NXF3: variants seen among roughly 807,000 people sequenced by gnomAD.
NXF3 encodes the protein nuclear RNA export factor 3.
Under a neutral mutation model 48.4 loss-of-function variants are expected in NXF3, and 34 were observed. The observed-to-expected ratio is 0.70, with a 90% CI of 0.53 to 0.93. NXF3 has a LOEUF of 0.93. NXF3 is among the 40% of genes least tolerant of loss of function. The probability of loss-of-function intolerance (pLI) is 0.00; values close to 1 mark genes in which losing one functional copy is unlikely to be tolerated. For missense variants in NXF3, 359 were observed against 406.1 expected, an observed-to-expected ratio of 0.88 and a Z score of 1.00; for synonymous variants, 132 against 145.7, an observed-to-expected ratio of 0.91 and a Z score of 0.68.
chrX:103,089,843 T>C (rs1382811025), intron 1 of NXF3, among the ~76,000 whole-genome samples: 9 of 111,993 alleles, frequency 8.0e-5, no homozygotes, highest in South Asian at 3.7e-4. Flanking sequence ...TCATTGGTCT[T>C]TTCAAAGCTA....
At chrX:103,080,302 A>C (rs911908969) in intron 10 of NXF3, 86 bp from the exon 11 acceptor site, 12 of 954,930 alleles carry the variant, frequency 1.3e-5, no homozygotes, top group African/African-American at 3.9e-5. Context: ...GGAGAGGGTG[A>C]GATCAGAAAT....
At chrX:103,076,138 G>T in intron 19 of NXF3, 103 bp downstream of exon 19, 1 of 572,899 alleles carries the variant, frequency 1.7e-6, no homozygotes, top group Non-Finnish European at 3.0e-6. Context: ...TTGGCCGAGA[G>T]GAAGTGCAGG....
chrX:103,078,754 T>C lies in NXF3; in HGVS notation c.1379-122A>G. 3 of 1,060,148 alleles carry C rather than the reference T, an allele frequency of 2.8e-6. No individual in the cohort carries two copies. The South Asian group carries it at 6.0e-5, about 21-fold the overall frequency. The allele number at this position is 1,060,148 out of a possible 1,213,427, so 87.4% of individuals were successfully genotyped here. A position where few individuals can be genotyped will look rare whatever the true frequency, so the allele number is the denominator to read the frequency against. ...AAGGGGGCCAGACCAGGACAGTTGT[T>C]CACTTGGAGTGAGGCGGATGTGGTA... On this transcript the variant is annotated intron_variant, in intron 16 of 19. Coordinates refer to ENST00000395065, the MANE Select transcript of NXF3 (RefSeq NM_022052.2).
intron 1 of NXF3, among the ~76,000 whole-genome samples, chrX:103,089,776 TTAAAGAACTACAGAGGCAC>T (rs1291011471): frequency 1.8e-5 from 2 of 112,295 alleles, no homozygotes; most frequent in African/African-American, 6.5e-5. Context: ...TTTTGTAAAT[TTAAAGAACTACAGAGGCAC>T]TAAAGGTGAA....
chrX:103,079,105 G>T, intron 16 of NXF3, 116 bp downstream of exon 16: 2 of 784,205 alleles, frequency 2.6e-6, no homozygotes, highest in South Asian at 2.2e-5. Flanking sequence ...AAACACGGAG[G>T]GAACAAGAGG....
intron 1 of NXF3, among the ~76,000 whole-genome samples, chrX:103,085,900 CAAAAAA>C (rs56135590): frequency 0.012 from 526 of 43,535 alleles, 6 homozygotes; most frequent in African/African-American, 0.046. Flanking sequence ...GAGACTCTGT[CAAAAAA>C]AAAAAAAAAA....
intron 12 of NXF3, 66 bp from the exon 13 acceptor site, chrX:103,079,936 G>A: frequency 8.4e-7 from 1 of 1,189,459 alleles, no homozygotes; most frequent in Non-Finnish European, 1.1e-6. Context: ...TTGAAAGTCT[G>A]ACTGTAGGCA....
intron 1 of NXF3, among the ~76,000 whole-genome samples, chrX:103,090,106 T>C (rs1225873739): frequency 8.9e-6 from 1 of 111,837 alleles, no homozygotes; most frequent in Non-Finnish European, 1.9e-5. Context: ...GCTCATTAAT[T>C]ATAGCAGTAG....
chrX:103,082,584 T>C (rs1225902405), intron 8 of NXF3, among the ~76,000 whole-genome samples, 176 bp downstream of exon 8: 6 of 112,150 alleles, frequency 5.3e-5, no homozygotes, highest in African/African-American at 1.9e-4. Flanking sequence ...TTTGGCATAA[T>C]GTCAAGCATC....
rs779070525 is a variant in NXF3, at chrX:103,076,273, C to T, written c.*17G>A. On this transcript the variant is annotated 3_prime_UTR_variant, in exon 19 of 20. Transcript: ENST00000395065. Reference sequence around the variant, plus strand: ...CATGCAAGAACATGAGGAGCTCTGACGTAGTCACACTGGTTGTTACGAAGG... The same window carrying T: ...CATGCAAGAACATGAGGAGCTCTGATGTAGTCACACTGGTTGTTACGAAGG... The T allele has an allele frequency of 2.5e-6, 3 of 1,208,651 alleles. No homozygotes were observed. Among genetic ancestry groups the T allele is most frequent in the South Asian group, 1.8e-5 (1 of 56,745 alleles).
chrX:103,082,942 G>A (rs762683416), intron 7 of NXF3, 62 bp downstream of exon 7: 5 of 1,151,106 alleles, frequency 4.3e-6, no homozygotes, highest in Admixed American at 2.2e-5. Flanking sequence ...CCAACCGTAA[G>A]TCTCCATCTC....
chrX:103,084,967 G>A (rs769722024), intron 1 of NXF3, 84 bp from the exon 2 acceptor site: 7 of 909,760 alleles, frequency 7.7e-6, no homozygotes, highest in Non-Finnish European at 1.1e-5. Flanking sequence ...AAAATTCACT[G>A]ATATTTATTT....
rs746112357 is a variant in NXF3, at chrX:103,093,032, T to A, written c.-9A>T. On this transcript the variant is annotated 5_prime_UTR_variant, in exon 1 of 20. Coordinates refer to ENST00000395065, the MANE Select transcript of NXF3 (RefSeq NM_022052.2). ...CCTGAAGGCAGTGACATTTTACCAA[T>A]GTCCTTATAGGGCTCTCTTGAGGAG... 4.1e-6 allele frequency: 5 copies of A among 1,205,663 alleles called. No individual in the cohort carries two copies. Among genetic ancestry groups the A allele is most frequent in the Non-Finnish European group, 5.6e-6 (5 of 890,264 alleles).
At chrX:103,092,654 C>T (rs1922307266) in intron 1 of NXF3, among the ~76,000 whole-genome samples, 1 of 113,115 alleles carries the variant, frequency 8.8e-6, no homozygotes, top group East Asian at 2.8e-4. Context: ...GGCCATAAGG[C>T]TAGCCTTGAT....
intron 1 of NXF3, among the ~76,000 whole-genome samples, chrX:103,091,813 G>A (rs1922283449): frequency 1.8e-5 from 2 of 108,708 alleles, no homozygotes; most frequent in African/African-American, 3.4e-5. Context: ...GTGAAACCCC[G>A]TCTCTACTAA....
At chrX:103,078,754 T>G in intron 16 of NXF3, 122 bp from the exon 17 acceptor site, 1 of 1,060,148 alleles carries the variant, frequency 9.4e-7, no homozygotes, top group Non-Finnish European at 1.3e-6. Context: ...GGACAGTTGT[T>G]CACTTGGAGT....
intron 1 of NXF3, among the ~76,000 whole-genome samples, chrX:103,085,790 C>T (rs1922131918): frequency 9.4e-6 from 1 of 106,869 alleles, no homozygotes; most frequent in African/African-American, 3.4e-5. Context: ...GTAGTCCCAG[C>T]TACTCGGGAG....
intron 6 of NXF3, 52 bp from the exon 7 acceptor site, chrX:103,083,125 G>C (rs913842656): frequency 1.7e-6 from 2 of 1,190,464 alleles, no homozygotes; most frequent in South Asian, 3.5e-5. Flanking sequence ...GTGGTGAAGG[G>C]GGCAATAGGT....
At chrX:103,087,074 G>A (rs1438964391) in intron 1 of NXF3, 2 of 342,011 alleles carry the variant, frequency 5.8e-6, no homozygotes, top group South Asian at 6.8e-5. Flanking sequence ...GCCTACTTTC[G>A]TGAAATCCTC....
Sources: gnomAD v4.1 joint callset for allele counts (sites outside exome capture counted in the v4.1 genomes callset) on GRCh38, gnomAD v4.1.1 for gene constraint, MANE v1.5 for transcripts, NCBI Gene and HGNC (gene_info 2026-07-23, HGNC 2026-07-21) for gene names.